The following PLXNA4 variants were observed in gnomAD, a reference collection of about 807,000 sequenced individuals.
PLXNA4 encodes the protein plexin-A4.
Under a neutral mutation model 191.8 loss-of-function variants are expected in PLXNA4, and 44 were observed. The ratio of observed to expected loss-of-function variants is 0.23; its 90% CI spans 0.18 to 0.29. The LOEUF (loss-of-function observed/expected upper bound fraction) is 0.29, where lower values mean the gene tolerates loss of function less well. Among genes scored for constraint, PLXNA4 ranks in the 10% least tolerant of loss-of-function variants. PLXNA4 has a pLI of 1.00. For missense variants in PLXNA4, 1,800 were observed against 2,488.8 expected (o/e 0.72, Z 5.89); for synonymous variants, 1,082 against 1,009.5 (o/e 1.07, Z -1.36).
At chr7:132,533,947 T>C (rs1402053275) in intron 1 of PLXNA4, among the ~76,000 whole-genome samples, 2 of 145,534 alleles carry the variant, frequency 1.4e-5, no homozygotes, top group African/African-American at 5.6e-5. Context: ...TTATTATTAT[T>C]ACTATTATTA....
intron 1 of PLXNA4, among the ~76,000 whole-genome samples, chr7:132,517,384 C>T (rs1423181033): frequency 6.6e-6 from 1 of 152,150 alleles, no homozygotes; most frequent in Non-Finnish European, 1.5e-5. Context: ...ATAAAGAGGA[C>T]CCTGAGGCCC....
chr7:132,145,959 G>T (rs1408118671), intron 28 of PLXNA4, among the ~76,000 whole-genome samples: 7 of 149,004 alleles, frequency 4.7e-5, no homozygotes, highest in Non-Finnish European at 1.0e-4. Flanking sequence ...GGTGGTGCAT[G>T]CTTGTAGTTT....
At chr7:132,423,714 T>C (rs766562957) in intron 3 of PLXNA4, among the ~76,000 whole-genome samples, 1 of 152,240 alleles carries the variant, frequency 6.6e-6, no homozygotes, top group Non-Finnish European at 1.5e-5. Context: ...TCTGGAATTC[T>C]ACTCCTCCCT....
In PLXNA4 at chr7:132,463,126, C is replaced by T. The variant is rs116954990; in HGVS notation, c.1371+26166G>A. Among the ~76,000 whole-genome samples the T allele has an allele frequency of 3.0e-4, 46 of 152,244 alleles. 3 individuals carry two copies. In the East Asian group the frequency reaches 8.9e-3, roughly 29 times the overall value. ...TCAGCCTCTCAAAGTGCTAGGATTA[C>T]AGGCGTGAGCCATCGCGCCCAGCCT... On this transcript the variant is annotated intron_variant, in intron 3 of 31. Transcript: ENST00000321063.
rs1192857824 is a variant in PLXNA4 at position 132,187,593 on chromosome 7, T to C, written c.2871A>G (p.Ser957=). ...QLYYFMTLTL[S]DLKPSRGPMS... ...TGGGCCCCCGGCTGGGCTTCAGATC[T>C]GAGAGAGTCAGTGTCTGTGTAGAAA... The change falls in exon 15 of 32, where the codon TCA becomes TCG. Residue 957 remains serine (S), a synonymous_variant. Coordinates refer to ENST00000321063, the MANE Select transcript of PLXNA4 (RefSeq NM_020911.2). 1 of 1,613,216 alleles carries C rather than the reference T, an allele frequency of 6.2e-7. No homozygotes were observed.
intron 1 of PLXNA4, among the ~76,000 whole-genome samples, chr7:132,574,541 G>C (rs911857944): frequency 6.6e-6 from 1 of 152,230 alleles, no homozygotes; most frequent in Non-Finnish European, 1.5e-5. Context: ...CTCTGAGAAC[G>C]CATGTGTGTA....
intron 3 of PLXNA4, among the ~76,000 whole-genome samples, chr7:132,465,316 C>T (rs1472103235): frequency 1.3e-5 from 2 of 152,230 alleles, no homozygotes; most frequent in East Asian, 1.9e-4. Flanking sequence ...GAAACCACTT[C>T]GTACCCACCA....
chr7:132,447,315 G>A (rs960457388), intron 3 of PLXNA4, among the ~76,000 whole-genome samples: 1 of 152,172 alleles, frequency 6.6e-6, no homozygotes, highest in Admixed American at 6.5e-5. Flanking sequence ...CCGATTGATG[G>A]ATATGCATAC....
At chr7:132,303,139 C>T (rs1801371904) in intron 3 of PLXNA4, among the ~76,000 whole-genome samples, 2 of 151,806 alleles carry the variant, frequency 1.3e-5, no homozygotes, top group Admixed American at 6.6e-5. Flanking sequence ...TCCCAAAGTG[C>T]TGGGATTACA....
At chr7:132,543,149 C>G (rs549834927) in intron 1 of PLXNA4, among the ~76,000 whole-genome samples, 12 of 152,294 alleles carry the variant, frequency 7.9e-5, no homozygotes, top group African/African-American at 2.9e-4. Context: ...TTTGCTTCTA[C>G]CAGGTAACTG....
intron 10 of PLXNA4, among the ~76,000 whole-genome samples, chr7:132,209,700 C>T (rs1324939125): frequency 2.0e-5 from 3 of 152,126 alleles, no homozygotes; most frequent in Non-Finnish European, 4.4e-5. Context: ...CTACTTCCTG[C>T]AGGAAGAGTA....
intron 3 of PLXNA4, among the ~76,000 whole-genome samples, chr7:132,405,466 A>G (rs1794181490): frequency 6.6e-6 from 1 of 152,156 alleles, no homozygotes; most frequent in East Asian, 1.9e-4. Flanking sequence ...CTGGTCTTCA[A>G]GAAAAACAGT....
At chr7:132,588,968 A>G (rs951249240) in intron 2 of PLXNA4, among the ~76,000 whole-genome samples, 1 of 152,122 alleles carries the variant, frequency 6.6e-6, no homozygotes, top group African/African-American at 2.4e-5. Flanking sequence ...ACCAAAAGAG[A>G]TAGTACAGAT....
intron 2 of PLXNA4, among the ~76,000 whole-genome samples, chr7:132,630,859 GA>G (rs1347983736): frequency 1.3e-4 from 20 of 152,312 alleles, no homozygotes; most frequent in Non-Finnish European, 2.5e-4. Context: ...GGAGGAAGTA[GA>G]AATAAATTAA....
At chr7:132,408,552 C>A (rs1388967820) in intron 3 of PLXNA4, among the ~76,000 whole-genome samples, 1 of 151,986 alleles carries the variant, frequency 6.6e-6, no homozygotes, top group African/African-American at 2.4e-5. Flanking sequence ...CAAACTCTAC[C>A]ACCCGGGTTC....
chr7:132,284,749 T>C (rs967600118), intron 4 of PLXNA4, among the ~76,000 whole-genome samples: 3 of 152,202 alleles, frequency 2.0e-5, no homozygotes, highest in South Asian at 2.1e-4. Context: ...TTATGAATGA[T>C]GGAAGAAAAA....
chr7:132,145,411 A>G, intron 28 of PLXNA4, 123 bp from the exon 29 acceptor site: 2 of 1,366,226 alleles, frequency 1.5e-6, no homozygotes, highest in Non-Finnish European at 2.0e-6. Context: ...CTTGGGTAAA[A>G]TTGGGTAAGT....
chr7:132,527,581 G>A (rs1048728545), intron 1 of PLXNA4, among the ~76,000 whole-genome samples: 4 of 142,978 alleles, frequency 2.8e-5, no homozygotes, highest in Admixed American at 7.0e-5. Flanking sequence ...AAGAAATGAA[G>A]CAACCTCTAG....
At chr7:132,189,662 T>C (rs570447519) in intron 14 of PLXNA4, among the ~76,000 whole-genome samples, 7 of 152,130 alleles carry the variant, frequency 4.6e-5, no homozygotes, top group Non-Finnish European at 7.4e-5. Context: ...GGCTTCTGTG[T>C]AGGGCCCAAA....
Sources: allele counts gnomAD v4.1 joint callset (sites outside exome capture counted in the v4.1 genomes callset), GRCh38; gene constraint gnomAD v4.1.1; transcripts MANE v1.5; gene names NCBI Gene and HGNC (gene_info 2026-07-23, HGNC 2026-07-21).